The following ADAM23 variants were observed in gnomAD, a reference collection of about 807,000 sequenced individuals.
The protein encoded by ADAM23 is disintegrin and metalloproteinase domain-containing protein 23.
In ADAM23, 33 loss-of-function variants were observed where a neutral mutation model predicts 120.1. The ratio of observed to expected loss-of-function variants is 0.27; its 90% CI spans 0.21 to 0.37. The LOEUF (loss-of-function observed/expected upper bound fraction) is 0.37, where lower values mean the gene tolerates loss of function less well. Ranked by LOEUF, ADAM23 falls within the 10% of genes least tolerant of loss-of-function variation. ADAM23 has a pLI of 1.00. For missense variants in ADAM23, 862 were observed against 1,058.2 expected (o/e 0.81, Z 2.57); for synonymous variants, 367 against 375.2 (o/e 0.98, Z 0.25).
In ADAM23 at chr2:206,547,469, C is replaced by G; in HGVS notation, c.761C>G (p.Ala254Gly). 6.2e-7 allele frequency: 1 copy of G among 1,612,814 alleles called. No homozygotes were observed. The highest frequency in any genetic ancestry group is 8.5e-7 in the Non-Finnish European group (1 of 1,179,260). The change falls in exon 7 of 26, where the codon GCA becomes GGA. Residue 254 changes from alanine (A) to glycine (G), a missense_variant. By Grantham distance (60) the Ala-to-Gly change is moderately conservative (BLOSUM62 0). Coordinates refer to ENST00000264377, the MANE Select transcript of ADAM23 (RefSeq NM_003812.4). ...CCACATATAATCCAGAAAACCTTGG[C>G]AGGACAGTATTCTAAGCAAATGAAG... The part of the protein sequence containing the change: ...GRPHIIQKTL[A>G]GQYSKQMKNL...
intron 3 of ADAM23, among the ~76,000 whole-genome samples, chr2:206,521,176 G>C (rs1471980407): frequency 6.6e-6 from 1 of 152,118 alleles, no homozygotes; most frequent in Admixed American, 6.5e-5. Flanking sequence ...CTGCTGCCTT[G>C]GCTTATTTTA....
intron 16 of ADAM23, 104 bp downstream of exon 16, chr2:206,570,915 T>G: frequency 1.1e-6 from 1 of 931,434 alleles, no homozygotes; most frequent in Non-Finnish European, 1.7e-6. Context: ...CTTACTGCCT[T>G]TCTTTCTCAT....
intron 5 of ADAM23, among the ~76,000 whole-genome samples, chr2:206,542,451 C>G (rs1697311002): frequency 6.6e-6 from 1 of 152,128 alleles, no homozygotes; most frequent in African/African-American, 2.4e-5. Flanking sequence ...GAGGACATAT[C>G]AGTTAGACCT....
chr2:206,558,602 G>A (rs1697693654), intron 10 of ADAM23, among the ~76,000 whole-genome samples: 1 of 152,144 alleles, frequency 6.6e-6, no homozygotes, highest in African/African-American at 2.4e-5. Context: ...TTTAATTTCA[G>A]CTCTTGTTTA....
chr2:206,562,871 C>T (rs1697795884), intron 13 of ADAM23, among the ~76,000 whole-genome samples: 2 of 152,276 alleles, frequency 1.3e-5, no homozygotes, highest in African/African-American at 2.4e-5. Context: ...CCAATAGGGC[C>T]ACACATCCCA....
At chr2:206,578,167 T>C (rs1315015826) in intron 18 of ADAM23, among the ~76,000 whole-genome samples, 4 of 110,034 alleles carry the variant, frequency 3.6e-5, no homozygotes, top group African/African-American at 6.8e-5. Flanking sequence ...ACTGTGGTTG[T>C]GTTAGTTTTA....
chr2:206,557,417 T>C lies in ADAM23; in HGVS notation c.934-10T>C, dbSNP rs754829350. ...GATTTGGCAGTGACTGGTATGTATTTCCCCCCTAGTATAAGAAGCATCGCT... is the reference window on the plus strand; with the variant it reads ...GATTTGGCAGTGACTGGTATGTATTCCCCCCCTAGTATAAGAAGCATCGCT... On this transcript the variant is annotated splice_polypyrimidine_tract_variant and intron_variant, in intron 9 of 25. Coordinates refer to ENST00000264377, the MANE Select transcript of ADAM23 (RefSeq NM_003812.4). 1 of 1,610,354 alleles carries C rather than the reference T, an allele frequency of 6.2e-7. No homozygotes were observed. The highest frequency in any genetic ancestry group is 8.5e-7 in the Non-Finnish European group (1 of 1,176,698).
At chr2:206,525,226 CTG>C (rs1696919980) in intron 3 of ADAM23, among the ~76,000 whole-genome samples, 1 of 152,112 alleles carries the variant, frequency 6.6e-6, no homozygotes, top group Non-Finnish European at 1.5e-5. Context: ...TGAAGAAATG[CTG>C]TGTGGGCCTC....
chr2:206,445,380 T>G lies in ADAM23; in HGVS notation c.288T>G (p.Asn96Lys), dbSNP rs1388501681. 1 of 1,613,906 alleles carries G rather than the reference T, an allele frequency of 6.2e-7. No homozygotes were observed. The highest frequency in any genetic ancestry group is 8.5e-7 in the Non-Finnish European group (1 of 1,179,910). ...ATGAAGACAATACATTGCAACAGAA[T>G]AGCAGCAGTAATATCAGTTACAGCA... ...LADEDNTLQQ[N>K]SSSNISYSNA... Residue 96 changes from asparagine to lysine, a missense_variant, in exon 2 of 26, where the codon AAT (asparagine) becomes AAG (lysine). Coordinates refer to ENST00000264377, the MANE Select transcript of ADAM23 (RefSeq NM_003812.4).
chr2:206,562,245 C>A lies in ADAM23; in HGVS notation c.1297C>A (p.Leu433Met). The A allele has an allele frequency of 6.2e-7, 1 of 1,614,086 alleles. No individual in the cohort carries two copies. The change falls in exon 13 of 26, where the codon CTG (leucine) becomes ATG (methionine). Residue 433 changes from leucine (L) to methionine (M), a missense_variant. Transcript: ENST00000264377. ...MAVAQVLSQS[L>M]AQNLGIQWEP... The stretch of plus-strand genomic sequence containing the variant: ...AGTGGCACAAGTATTATCGCAGAGC[C>A]TGGCTCAAAACCTTGGAATCCAATG...
chr2:206,597,687 A>G (rs1698556473), intron 24 of ADAM23, among the ~76,000 whole-genome samples: 1 of 152,200 alleles, frequency 6.6e-6, no homozygotes, highest in Non-Finnish European at 1.5e-5. Flanking sequence ...CAGCTTCTTT[A>G]TCATGGTACT....
chr2:206,570,687 G>C, intron 15 of ADAM23, 53 bp from the exon 16 acceptor site: 1 of 1,466,154 alleles, frequency 6.8e-7, no homozygotes, highest in South Asian at 1.1e-5. Context: ...TTGATGTGCT[G>C]ATTTTCTGTG....
At chr2:206,615,292 C>G (rs1242576864) in intron 25 of ADAM23, among the ~76,000 whole-genome samples, 2 of 152,058 alleles carry the variant, frequency 1.3e-5, no homozygotes, top group African/African-American at 4.8e-5. Flanking sequence ...TATAATGATC[C>G]AGAAATACCT....
At chr2:206,483,241 C>T (rs770684298) in intron 3 of ADAM23, among the ~76,000 whole-genome samples, 4 of 152,048 alleles carry the variant, frequency 2.6e-5, no homozygotes, top group Non-Finnish European at 5.9e-5. Flanking sequence ...AGAGGTACCT[C>T]GATTGGTTGG....
chr2:206,618,439 T>C lies in ADAM23; in HGVS notation c.*812T>C, dbSNP rs1698977420. The C allele has an allele frequency of 6.6e-6, 1 of 152,230 alleles. No individual in the cohort carries two copies. Among genetic ancestry groups the C allele is most frequent in the Non-Finnish European group, 1.5e-5 (1 of 68,050 alleles). 9.4% of individuals were successfully genotyped at this position (152,230 alleles called of 1,614,324 possible). On this transcript the variant is annotated 3_prime_UTR_variant, in exon 26 of 26. Transcript: ENST00000264377. ...TGTATAGTTCTTTTATAAATGTAAA[T>C]ATGGAAATAAGAGATTTTGACACAT...
intron 2 of ADAM23, among the ~76,000 whole-genome samples, chr2:206,459,259 T>A (rs1276579378): frequency 2.0e-5 from 3 of 152,344 alleles, no homozygotes; most frequent in Non-Finnish European, 2.9e-5. Flanking sequence ...TGATGCCGTC[T>A]TATTACTTTT....
intron 24 of ADAM23, among the ~76,000 whole-genome samples, chr2:206,598,514 A>C (rs1698573543): frequency 6.6e-6 from 1 of 152,236 alleles, no homozygotes; most frequent in African/African-American, 2.4e-5. Context: ...CCTTTAAAAA[A>C]AAATAACTTT....
At chr2:206,602,823 G>A (rs1482571159) in intron 24 of ADAM23, among the ~76,000 whole-genome samples, 1 of 152,066 alleles carries the variant, frequency 6.6e-6, no homozygotes, top group African/African-American at 2.4e-5. Flanking sequence ...CTGTCTTTTA[G>A]CACAAGTAAA....
chr2:206,508,183 C>A (rs1407044871), intron 3 of ADAM23, among the ~76,000 whole-genome samples: 3 of 152,146 alleles, frequency 2.0e-5, no homozygotes, highest in East Asian at 3.9e-4. Context: ...GCATCCACCA[C>A]CACGCCCAGC....
Sources: allele counts gnomAD v4.1 joint callset (sites outside exome capture counted in the v4.1 genomes callset), GRCh38; gene constraint gnomAD v4.1.1; transcripts MANE v1.5; gene names NCBI Gene and HGNC (gene_info 2026-07-23, HGNC 2026-07-21).